NNT: variants seen among roughly 807,000 people sequenced by gnomAD.
The protein encoded by NNT is NAD(P) transhydrogenase, mitochondrial.
NNT carries 50 observed loss-of-function variants against 104.8 expected under a neutral mutation model. The ratio of observed to expected loss-of-function variants is 0.48; its 90% confidence interval spans 0.38 to 0.60. The LOEUF (loss-of-function observed/expected upper bound fraction) is 0.60, where lower values mean the gene tolerates loss of function less well. NNT is among the 20% of genes least tolerant of loss of function. The probability of loss-of-function intolerance (pLI) is 0.00; values close to 1 mark genes in which losing one functional copy is unlikely to be tolerated. For missense variants in NNT, 1,131 were observed against 1,330.7 expected (o/e 0.85, Z 2.33); for synonymous variants, 461 against 490.4 (o/e 0.94, Z 0.79).
intron 1 of NNT, 63 bp from the exon 2 acceptor site, chr5:43,609,080 C>T (rs530818122): frequency 2.7e-6 from 2 of 729,800 alleles, no homozygotes; most frequent in Admixed American, 5.7e-5. Flanking sequence ...AAATGTTTTT[C>T]ATGTTTAAAA....
At chr5:43,648,145 T>C (rs1046324238) in intron 10 of NNT, 4 of 1,167,590 alleles carry the variant, frequency 3.4e-6, no homozygotes, top group South Asian at 3.5e-5. Context: ...AGATGGTTAA[T>C]GGGCTATGCA....
At chr5:43,690,806 G>C (rs968466699) in intron 19 of NNT, among the ~76,000 whole-genome samples, 2 of 152,042 alleles carry the variant, frequency 1.3e-5, no homozygotes, top group African/African-American at 2.4e-5. Flanking sequence ...TGAACTGGGG[G>C]TTATGCATGA....
intron 17 of NNT, among the ~76,000 whole-genome samples, chr5:43,664,197 C>A (rs926382524): frequency 1.3e-5 from 2 of 152,168 alleles, no homozygotes; most frequent in African/African-American, 4.8e-5. Flanking sequence ...ACAACCAATT[C>A]AAATGAATGA....
At chr5:43,648,430 T>C (rs888317659) in intron 10 of NNT, 3 of 162,600 alleles carry the variant, frequency 1.8e-5, no homozygotes, top group Admixed American at 1.8e-4. Flanking sequence ...AGGAAGGCGA[T>C]AATTAAAGAT....
In NNT at chr5:43,621,738, C is replaced by T. The variant is rs999425863; in HGVS notation, c.688-2294C>T. ...ATTTCACACAGGAAAAAAAATGAACCGGATGATGTGACAGTAATGGGCACA... is the reference window on the plus strand; with the variant it reads ...ATTTCACACAGGAAAAAAAATGAACTGGATGATGTGACAGTAATGGGCACA... On this transcript the variant is annotated intron_variant, in intron 5 of 21. Coordinates refer to ENST00000344920, the MANE Select transcript of NNT (RefSeq NM_182977.3). Among the ~76,000 whole-genome samples the T allele has an allele frequency of 4.6e-5, 7 of 152,106 alleles. No homozygotes were observed. The South Asian group carries it at 8.4e-4, about 18-fold the overall frequency.
chr5:43,627,806 CA>C (rs1750447484), intron 6 of NNT, among the ~76,000 whole-genome samples: 1 of 151,934 alleles, frequency 6.6e-6, no homozygotes, highest in Non-Finnish European at 1.5e-5. Flanking sequence ...CTAGTAAGAA[CA>C]AATTCAGAAT....
At chr5:43,683,314 G>T (rs566003907) in intron 19 of NNT, among the ~76,000 whole-genome samples, 2 of 152,316 alleles carry the variant, frequency 1.3e-5, no homozygotes, top group Admixed American at 1.3e-4. Flanking sequence ...TATGCTCCTA[G>T]AAAGTGGCCA....
At chr5:43,620,380 C>T (rs7720818) in intron 5 of NNT, among the ~76,000 whole-genome samples, 15,907 of 151,998 alleles carry the variant, frequency 0.1, 1,102 homozygotes, top group African/African-American at 0.18. Context: ...CCACCATGCC[C>T]GGTTAATTTT....
intron 17 of NNT, among the ~76,000 whole-genome samples, chr5:43,664,296 T>G (rs761206652): frequency 1.3e-5 from 2 of 152,182 alleles, no homozygotes; most frequent in African/African-American, 2.4e-5. Flanking sequence ...GAAATAGAGG[T>G]CTTACAAAAA....
intron 19 of NNT, among the ~76,000 whole-genome samples, chr5:43,694,471 T>C (rs1315044393): frequency 6.6e-6 from 1 of 152,192 alleles, no homozygotes; most frequent in Non-Finnish European, 1.5e-5. Flanking sequence ...CCTAGTTTAG[T>C]GAGAGTTTTT....
At chr5:43,664,669 C>A (rs80133362) in intron 17 of NNT, among the ~76,000 whole-genome samples, 190 of 152,068 alleles carry the variant, frequency 1.2e-3, no homozygotes, top group African/African-American at 4.5e-3. Context: ...GTCTTGGAAG[C>A]TGGGAACTGT....
chr5:43,609,053 T>G, intron 1 of NNT, 90 bp from the exon 2 acceptor site: 2 of 605,848 alleles, frequency 3.3e-6, no homozygotes, highest in South Asian at 2.8e-5. Context: ...TTCAAGCTCT[T>G]TAGATTAGTA....
intron 19 of NNT, among the ~76,000 whole-genome samples, chr5:43,699,264 C>T (rs1321595452): frequency 6.6e-6 from 1 of 151,022 alleles, no homozygotes; most frequent in Non-Finnish European, 1.5e-5. Flanking sequence ...CATCACATGT[C>T]TTCTGTGATG....
chr5:43,675,022 AC>A (rs1469770116), intron 17 of NNT, among the ~76,000 whole-genome samples: 1 of 152,056 alleles, frequency 6.6e-6, no homozygotes. Flanking sequence ...GACAGTATCA[AC>A]CCCCATATTT....
intron 17 of NNT, among the ~76,000 whole-genome samples, chr5:43,665,190 A>G (rs1740567905): frequency 6.8e-6 from 1 of 147,366 alleles, no homozygotes; most frequent in African/African-American, 2.5e-5. Flanking sequence ...TGTTCACTGG[A>G]TTTTTTTTTC....
At chr5:43,648,210 A>T in intron 10 of NNT, 1 of 1,055,816 alleles carries the variant, frequency 9.5e-7, no homozygotes, top group Non-Finnish European at 1.2e-6. Flanking sequence ...AACTACAGTC[A>T]TATTGAATGA....
chr5:43,679,913 TAA>T (rs1473428536), intron 19 of NNT, among the ~76,000 whole-genome samples: 1 of 151,882 alleles, frequency 6.6e-6, no homozygotes, highest in African/African-American at 2.4e-5. Flanking sequence ...AGGATCAGAA[TAA>T]GATTATTAAT....
intron 16 of NNT, among the ~76,000 whole-genome samples, chr5:43,657,586 T>C (rs527934754): frequency 5.1e-4 from 77 of 152,336 alleles, no homozygotes; most frequent in South Asian, 1.9e-3. Flanking sequence ...TACTGGCTCC[T>C]TGATTGAGAA....
At chr5:43,651,440 T>G (rs1333929284) in intron 12 of NNT, among the ~76,000 whole-genome samples, 1 of 151,980 alleles carries the variant, frequency 6.6e-6, no homozygotes, top group Non-Finnish European at 1.5e-5. Flanking sequence ...TAGCCCAGCA[T>G]AGTGGCGCGA....
Sources: gnomAD v4.1 joint callset for allele counts (sites outside exome capture counted in the v4.1 genomes callset) on GRCh38, gnomAD v4.1.1 for gene constraint, MANE v1.5 for transcripts, NCBI Gene and HGNC (gene_info 2026-07-23, HGNC 2026-07-21) for gene names.